Variants in GPBP1L1 observed in about 807,000 individuals in gnomAD.
GPBP1L1 encodes GC-rich promoter binding protein 1 like 1.
In GPBP1L1, 23 loss-of-function variants were observed where a neutral mutation model predicts 52.5. That is an observed-to-expected ratio of 0.44 (90% CI 0.32 to 0.62). GPBP1L1 has a LOEUF of 0.62. Ranked by LOEUF, GPBP1L1 falls within the 20% of genes least tolerant of loss-of-function variation. The pLI is 0.06. For missense variants in GPBP1L1, 596 were observed against 579.3 expected (o/e 1.03, Z -0.30); for synonymous variants, 243 against 203.1 (o/e 1.20, Z -1.67).
chr1:45,683,751 CAAAAAAAAAAA>C (rs55857116), intron 2 of GPBP1L1, among the ~76,000 whole-genome samples: 1 of 93,134 alleles, frequency 1.1e-5, no homozygotes, highest in Non-Finnish European at 2.0e-5. Context: ...TAATAAAATA[CAAAAAAAAAAA>C]AAAAAAAAAA....
Position 45,628,257 on chromosome 1 carries a change from TACTTCCAGGCATCGTC to T in GPBP1L1, c.1408_1423del (p.Asp470ArgfsTer8). The T allele has an allele frequency of 3.7e-6, 6 of 1,613,920 alleles. No individual in the cohort carries two copies. The highest frequency in any genetic ancestry group is 5.1e-6 in the Non-Finnish European group (6 of 1,179,940). On this transcript the variant is annotated frameshift_variant and stop_lost, in exon 13 of 13. Transcript: ENST00000355105. LOFTEE classifies it high-confidence loss of function. The stretch of plus-strand genomic sequence containing the variant: ...ATTTAACTGTGAGCATTTATATGCC[TACTTCCAGGCATCGTC>T]ATCTGATGTTTCACTGCTACTGGTT...
intron 2 of GPBP1L1, among the ~76,000 whole-genome samples, chr1:45,681,348 G>A (rs1463659459): frequency 1.3e-5 from 2 of 152,038 alleles, no homozygotes; most frequent in African/African-American, 2.4e-5. Context: ...AATTTACAAG[G>A]AATCAAGAAA....
Position 45,642,485 on chromosome 1 carries a change from T to G in GPBP1L1, c.492A>C (p.Pro164=). The change falls in exon 7 of 13, where the codon CCA becomes CCC. Residue 164 remains proline (P), a synonymous_variant. Transcript: ENST00000355105. ...ATGGCTGATGCTGTTTGCCAGCTTCTGGATTCAAGGAAGGCTAGGAAAAAA... is the reference window on the plus strand; with the variant it reads ...ATGGCTGATGCTGTTTGCCAGCTTCGGGATTCAAGGAAGGCTAGGAAAAAA... ...FEEEDFPSLN[P]EAGKQHQPCR... 1 of 1,614,016 alleles carries G rather than the reference T, an allele frequency of 6.2e-7. No homozygotes were observed. The highest frequency in any genetic ancestry group is 8.5e-7 in the Non-Finnish European group (1 of 1,179,890).
At chr1:45,682,626 C>A (rs1645224491) in intron 2 of GPBP1L1, among the ~76,000 whole-genome samples, 1 of 152,102 alleles carries the variant, frequency 6.6e-6, no homozygotes, top group African/African-American at 2.4e-5. Flanking sequence ...AGTTTCTTAA[C>A]AAAAATAAAT....
chr1:45,640,283 C>T lies in GPBP1L1; in HGVS notation c.671G>A (p.Gly224Glu), dbSNP rs747474793. The T allele has an allele frequency of 5.0e-6, 8 of 1,613,960 alleles. No individual in the cohort carries two copies. The Admixed American group carries it at 5.0e-5, about 10-fold the overall frequency. ...FTSPGSHHAN[G>E]NKLSSVVPSV... Reference sequence around the variant, plus strand: ...TGGAACCACGGATGACAATTTGTTCCCATTTGCATGGTGAGATCCTGGTGA... The same window carrying T: ...TGGAACCACGGATGACAATTTGTTCTCATTTGCATGGTGAGATCCTGGTGA... The change falls in exon 8 of 13, where the codon GGG becomes GAG. Residue 224 changes from glycine (G) to glutamate (E), a missense_variant. Gly to Glu is a moderately conservative substitution (Grantham distance 98). Transcript: ENST00000355105.
intron 6 of GPBP1L1, among the ~76,000 whole-genome samples, chr1:45,650,015 CT>C (rs1644801856): frequency 1.3e-5 from 2 of 152,096 alleles, no homozygotes; most frequent in East Asian, 3.8e-4. Flanking sequence ...CCTTATTGTA[CT>C]TGTTAGGACC....
At chr1:45,646,081 C>A in intron 6 of GPBP1L1, 1 of 464,358 alleles carries the variant, frequency 2.2e-6, no homozygotes, top group Admixed American at 2.4e-5. Context: ...TTCATCATCA[C>A]AGCTAGAAGT....
intron 11 of GPBP1L1, 89 bp from the exon 12 acceptor site, chr1:45,629,767 C>T: frequency 1.2e-6 from 1 of 861,290 alleles, no homozygotes; most frequent in Non-Finnish European, 1.9e-6. Context: ...AAGTTTTCTG[C>T]CCAGGGGCAA....
chr1:45,630,987 C>G (rs1275338479), intron 10 of GPBP1L1, among the ~76,000 whole-genome samples: 4 of 151,738 alleles, frequency 2.6e-5, no homozygotes, highest in Non-Finnish European at 5.9e-5. Flanking sequence ...TGGGACAGAA[C>G]AGAGAGCCCA....
intron 10 of GPBP1L1, among the ~76,000 whole-genome samples, chr1:45,630,991 G>A (rs1644523759): frequency 6.6e-6 from 1 of 151,858 alleles, no homozygotes; most frequent in South Asian, 2.1e-4. Flanking sequence ...ACAGAACAGA[G>A]AGCCCACAAA....
intron 4 of GPBP1L1, chr1:45,658,799 G>T (rs1644913009): frequency 2.1e-6 from 1 of 481,264 alleles, no homozygotes; most frequent in Non-Finnish European, 3.7e-6. Context: ...AAATTAGCAG[G>T]GCGTGGTGGT....
At chr1:45,638,757 T>C (rs145661568) in intron 8 of GPBP1L1, among the ~76,000 whole-genome samples, 4 of 152,118 alleles carry the variant, frequency 2.6e-5, no homozygotes, top group South Asian at 2.1e-4. Flanking sequence ...CTGGGCAATA[T>C]AGTGAGACCC....
chr1:45,635,651 C>T (rs4431884), intron 8 of GPBP1L1: 48,251 of 152,078 alleles, frequency 0.32, 7,799 homozygotes, highest in Middle Eastern at 0.38. Flanking sequence ...GATGATTATA[C>T]ATGTAAAAGT....
At chr1:45,680,762 T>C (rs910513034) in intron 2 of GPBP1L1, among the ~76,000 whole-genome samples, 1 of 152,112 alleles carries the variant, frequency 6.6e-6, no homozygotes, top group Non-Finnish European at 1.5e-5. Context: ...AATTGTTGAT[T>C]AAATGAGTGA....
At chr1:45,684,878 T>C (rs570560837) in intron 2 of GPBP1L1, among the ~76,000 whole-genome samples, 4 of 152,328 alleles carry the variant, frequency 2.6e-5, no homozygotes, top group African/African-American at 4.8e-5. Context: ...AAAAGGTACA[T>C]TGAAAACTGA....
chr1:45,641,769 T>A (rs1276548385), intron 7 of GPBP1L1: 1 of 138,374 alleles, frequency 7.2e-6, no homozygotes, highest in African/African-American at 2.8e-5. Flanking sequence ...TGAGCTGAGA[T>A]CTCGCCACCG....
chr1:45,656,922 G>A (rs892892274), intron 4 of GPBP1L1, among the ~76,000 whole-genome samples: 2 of 151,986 alleles, frequency 1.3e-5, no homozygotes, highest in African/African-American at 2.4e-5. Flanking sequence ...TGGCTTTCAA[G>A]CAATCCTTCT....
intron 2 of GPBP1L1, among the ~76,000 whole-genome samples, chr1:45,670,974 A>T (rs1557718870): frequency 6.6e-6 from 1 of 150,792 alleles, no homozygotes; most frequent in Non-Finnish European, 1.5e-5. Context: ...TTGTATTTTC[A>T]CTAGAGACGG....
At chr1:45,679,255 C>A (rs1322685184) in intron 2 of GPBP1L1, among the ~76,000 whole-genome samples, 1 of 152,132 alleles carries the variant, frequency 6.6e-6, no homozygotes, top group Non-Finnish European at 1.5e-5. Context: ...CAGAGGCTCC[C>A]TTGACTTGGC....
Sources: allele counts gnomAD v4.1 joint callset (sites outside exome capture counted in the v4.1 genomes callset), GRCh38; gene constraint gnomAD v4.1.1; transcripts MANE v1.5; gene names NCBI Gene and HGNC (gene_info 2026-07-23, HGNC 2026-07-21).